DIS3: variants seen among roughly 807,000 people sequenced by gnomAD.
DIS3 encodes DIS3 exosome endoribonuclease and 3'-5' exoribonuclease, also known as exosome complex exonuclease RRP44.
In DIS3, 103 loss-of-function variants were observed where a neutral mutation model predicts 113.0. That is an observed-to-expected ratio of 0.91 (90% confidence interval 0.78 to 1.07). The LOEUF (loss-of-function observed/expected upper bound fraction) is 1.07, where lower values mean the gene tolerates loss of function less well. DIS3 is among the 50% of genes least tolerant of loss of function. The pLI is 0.00. For missense variants in DIS3, 1,121 were observed against 1,167.1 expected (o/e 0.96, Z 0.58); for synonymous variants, 402 against 394.3 (o/e 1.02, Z -0.23).
In DIS3 at chr13:72,757,306, G is replaced by C. The variant is rs1202840302; in HGVS notation, c.*2489C>G. On this transcript the variant is annotated 3_prime_UTR_variant, in exon 21 of 21. Coordinates refer to ENST00000377767, the MANE Select transcript of DIS3 (RefSeq NM_014953.5). ...GTTCTGTCACCCAGGCTGGAGTGCA[G>C]TGGCGCGATCTTGGCTCACTGCAAC... 1.3e-5 allele frequency: 2 copies of C among 151,282 alleles called. No individual in the cohort carries two copies. The highest frequency in any genetic ancestry group is 2.1e-4 in the South Asian group (1 of 4,774). The allele number at this position is 151,282 out of a possible 1,614,324, so 9.4% of individuals were successfully genotyped here. A position where few individuals can be genotyped will look rare whatever the true frequency, so the allele number is the denominator to read the frequency against.
rs1249719890 is a variant in DIS3, at chr13:72,755,298, G to A, written c.*4497C>T. 8.2e-7 allele frequency: 1 copy of A among 1,225,174 alleles called. No homozygotes were observed. The highest frequency in any genetic ancestry group is 2.4e-5 in the East Asian group (1 of 41,802). 75.9% of individuals were successfully genotyped at this position (1,225,174 alleles called of 1,614,324 possible). ...GCACAGGATCAACATGATGGTGACTGGGAAAAAATTACTTCAAGTAACATG... is the reference window on the plus strand; with the variant it reads ...GCACAGGATCAACATGATGGTGACTAGGAAAAAATTACTTCAAGTAACATG... On this transcript the variant is annotated 3_prime_UTR_variant, in exon 21 of 21. Coordinates refer to ENST00000377767, the MANE Select transcript of DIS3 (RefSeq NM_014953.5).
chr13:72,769,136 G>C (rs541821961), intron 13 of DIS3, among the ~76,000 whole-genome samples: 1 of 152,212 alleles, frequency 6.6e-6, no homozygotes, highest in Non-Finnish European at 1.5e-5. Flanking sequence ...ATTTTAAAAG[G>C]TAAAATGGCA....
chr13:72,776,135 T>G, intron 4 of DIS3, 43 bp from the exon 5 acceptor site: 1 of 1,547,388 alleles, frequency 6.5e-7, no homozygotes, highest in Middle Eastern at 1.7e-4. Context: ...ATAAGTCTTC[T>G]GTTCACTCAA....
In DIS3 at chr13:72,762,060, A is replaced by T; in HGVS notation, c.2205T>A (p.Tyr735Ter). 6.2e-7 allele frequency: 1 copy of T among 1,614,112 alleles called. No individual in the cohort carries two copies. Among genetic ancestry groups the T allele is most frequent in the Non-Finnish European group, 8.5e-7 (1 of 1,180,022 alleles). Residue 735 changes from tyrosine (Y) to a stop codon, truncating the protein, a stop_gained, in exon 17 of 21, where the codon TAT (tyrosine) becomes TAA (stop). Transcript: ENST00000377767. LOFTEE classifies it high-confidence loss of function. Reference sequence around the variant, plus strand: ...CTAATATTCTCAACAGAGTGTTTAGATATGGAAAAGTAGGAGATTCGGCCT... The same window carrying T: ...CTAATATTCTCAACAGAGTGTTTAGTTATGGAAAAGTAGGAGATTCGGCCT... ...LDQAESPTFP[Y>*]LNTLLRILAT...
In DIS3 at chr13:72,765,984, G is replaced by C; in HGVS notation, c.1958C>G (p.Thr653Ser). 1 of 1,606,646 alleles carries C rather than the reference G, an allele frequency of 6.2e-7. No homozygotes were observed. The highest frequency in any genetic ancestry group is 2.2e-5 in the East Asian group (1 of 44,784). Residue 653 changes from threonine to serine, a missense_variant, in exon 15 of 21, where the codon ACC becomes AGC. By Grantham distance (58) the Thr-to-Ser change is moderately conservative. This residue lies in a region of DIS3 where 861 missense variants were observed against 915.5 expected (regional missense o/e 0.94). Transcript: ENST00000377767. Reference sequence around the variant, plus strand: ...AAAAATTACAAACCTAAGTTCCTTGGTCTGCAGATCTATAGGATCGTGAGT... The same window carrying C: ...AAAAATTACAAACCTAAGTTCCTTGCTCTGCAGATCTATAGGATCGTGAGT... ...SETHDPIDLQTKELRETNSMV... is the reference protein window; with the variant it reads ...SETHDPIDLQSKELRETNSMV...
chr13:72,754,540 G>A lies in DIS3; in HGVS notation c.*5255C>T, dbSNP rs2033391589. ...AAATGTGCAACAAATGTTTAATAGG[G>A]AGGCCACCTTAGTTTTCCTTTCTGT... On this transcript the variant is annotated 3_prime_UTR_variant, in exon 21 of 21. Coordinates refer to ENST00000377767, the MANE Select transcript of DIS3 (RefSeq NM_014953.5). 6.6e-6 allele frequency: 1 copy of A among 152,034 alleles called. No homozygotes were observed. 9.4% of individuals were successfully genotyped at this position (152,034 alleles called of 1,614,324 possible). A position where few individuals can be genotyped will look rare whatever the true frequency, so the allele number is the denominator to read the frequency against.
At position 72,781,712 on chromosome 13, in the gene DIS3, C is replaced by G. The variant is rs376810829; in HGVS notation, c.121G>C (p.Gly41Arg). Residue 41 changes from glycine (G) to arginine (R), a missense_variant, in exon 1 of 21, where the codon GGG becomes CGG. Gly to Arg is a moderately radical substitution (Grantham distance 125, BLOSUM62 -2). Around this residue, in one of 3 missense-constraint regions of DIS3, gnomAD observed 254 missense variants for 232.2 expected, o/e 1.09. Transcript: ENST00000377767. The stretch of plus-strand genomic sequence containing the variant: ...TCCAGGGCCGGCCCCTCGTGCGCCC[C>G]TCCACACGCTGCGCACCCGGGCGCA... The part of the protein sequence containing the change: ...CGAPGCAACG[G>R]AHEGPALEPQ... 366 of 1,573,456 alleles carry G rather than the reference C, an allele frequency of 2.3e-4. 1 individual carries two copies. The African/African-American group carries it at 4.6e-3, about 20-fold the overall frequency.
Position 72,753,235 on chromosome 13 carries a change from A to C in DIS3, c.*6560T>G, listed in dbSNP as rs948809584. The C allele has an allele frequency of 2.0e-5, 3 of 152,614 alleles. No individual in the cohort carries two copies. Among genetic ancestry groups the C allele is most frequent in the Admixed American group, 1.3e-4 (2 of 15,306 alleles). 9.5% of individuals were successfully genotyped at this position (152,614 alleles called of 1,614,324 possible). On this transcript the variant is annotated 3_prime_UTR_variant, in exon 21 of 21. Coordinates refer to ENST00000377767, the MANE Select transcript of DIS3 (RefSeq NM_014953.5). ...TTTTATTAACATGAAAAGCTGAACT[A>C]ACATCTAGAGCCATTATATATGTGG...
Position 72,766,027 on chromosome 13 carries a change from A to C in DIS3, c.1915T>G (p.Phe639Val), listed in dbSNP as rs1234341757. ...ALTLSSPEVR[F>V]HMDSETHDPI... ...TCGTGAGTTTCACTGTCCATGTGGAATCGAACTTCAGGAGAGGATAGAGTC... is the reference window on the plus strand; with the variant it reads ...TCGTGAGTTTCACTGTCCATGTGGACTCGAACTTCAGGAGAGGATAGAGTC... Residue 639 changes from phenylalanine to valine, a missense_variant, in exon 15 of 21, where the codon TTC becomes GTC. Coordinates refer to ENST00000377767, the MANE Select transcript of DIS3 (RefSeq NM_014953.5). The C allele has an allele frequency of 3.1e-6, 5 of 1,611,748 alleles. No homozygotes were observed. The highest frequency in any genetic ancestry group is 4.2e-6 in the Non-Finnish European group (5 of 1,178,828).
Position 72,772,737 on chromosome 13 carries a change from C to G in DIS3, c.1342G>C (p.Val448Leu), listed in dbSNP as rs1288927449. 1 of 1,613,008 alleles carries G rather than the reference C, an allele frequency of 6.2e-7. No individual in the cohort carries two copies. Among genetic ancestry groups the G allele is most frequent in the Non-Finnish European group, 8.5e-7 (1 of 1,179,798 alleles). Residue 448 changes from valine to leucine, a missense_variant, in exon 9 of 21, where the codon GTT becomes CTT. Coordinates refer to ENST00000377767, the MANE Select transcript of DIS3 (RefSeq NM_014953.5). The part of the protein sequence containing the change: ...DVPHQPFSQA[V>L]LSFLPKMPWS... The stretch of plus-strand genomic sequence containing the variant: ...GGCATCTTTGGCAGAAAACTAAGAA[C>G]AGCCTGTGAAAAAGGCTGATGGGGA...
intron 11 of DIS3, 83 bp from the exon 12 acceptor site, chr13:72,771,228 T>C: frequency 2.7e-6 from 3 of 1,103,744 alleles, no homozygotes; most frequent in Middle Eastern, 2.1e-4. Context: ...ATAACATTAA[T>C]TAAACAAGGA....
chr13:72,778,344 A>G lies in DIS3; in HGVS notation c.423T>C (p.Ala141=), dbSNP rs768239041. 2.5e-5 allele frequency: 39 copies of G among 1,584,480 alleles called. No individual in the cohort carries two copies. The highest frequency in any genetic ancestry group is 3.4e-5 in the Non-Finnish European group (39 of 1,157,786). The part of the protein sequence containing the change: ...TYVEQEQGEN[A]NDRNDRAIRV... ...GAATCGCTCTATCATTCCTGTCATT[A>G]GCATTTTCTCCCTGTTCTTGTTCTA... is the stretch of plus-strand genomic sequence containing the variant. The change falls in exon 3 of 21, where the codon GCT becomes GCC. Residue 141 remains alanine, a synonymous_variant. Coordinates refer to ENST00000377767, the MANE Select transcript of DIS3 (RefSeq NM_014953.5).
At position 72,775,394 on chromosome 13, in the gene DIS3, G is replaced by A; in HGVS notation, c.823-19C>T. 6.4e-7 allele frequency: 1 copy of A among 1,565,604 alleles called. No individual in the cohort carries two copies. The highest frequency in any genetic ancestry group is 8.6e-7 in the Non-Finnish European group (1 of 1,158,598). On this transcript the variant is annotated intron_variant, in intron 5 of 20. Coordinates refer to ENST00000377767, the MANE Select transcript of DIS3 (RefSeq NM_014953.5). ...AGATTATCTGTTTAAAACAACAGAG[G>A]GCACGTGCCCAAATTATTTTTAATG... is the stretch of plus-strand genomic sequence containing the variant.
intron 8 of DIS3, 29 bp downstream of exon 8, chr13:72,773,655 C>T: frequency 6.3e-7 from 1 of 1,579,904 alleles, no homozygotes; most frequent in Non-Finnish European, 8.6e-7. Context: ...ATTAAACATC[C>T]CCACATAAAA....
rs1396580389 is a variant in DIS3, at chr13:72,773,899, T to C, written c.1101+47A>G. On this transcript the variant is annotated intron_variant, in intron 7 of 20. Coordinates refer to ENST00000377767, the MANE Select transcript of DIS3 (RefSeq NM_014953.5). Reference sequence around the variant, plus strand: ...GCAAAAGAAAGGCTATAAGTTCTATTAAATGTTTATCATTTTTTTATTACA... The same window carrying C: ...GCAAAAGAAAGGCTATAAGTTCTATCAAATGTTTATCATTTTTTTATTACA... 3.1e-6 allele frequency: 5 copies of C among 1,587,922 alleles called. No individual in the cohort carries two copies. The African/African-American group carries it at 6.8e-5, about 22-fold the overall frequency.
intron 15 of DIS3, among the ~76,000 whole-genome samples, chr13:72,765,055 T>C (rs952363320): frequency 1.3e-5 from 2 of 152,132 alleles, no homozygotes; most frequent in African/African-American, 4.8e-5. Context: ...ATTAGAAAAG[T>C]GCATATGCAT....
At position 72,755,154 on chromosome 13, in the gene DIS3, G is replaced by T; in HGVS notation, c.*4641C>A. ...GGTATTGTCTTCTTTTTCACAGCAA[G>T]ACCACACAACACAGAGGTGTTGGAT... is the stretch of plus-strand genomic sequence containing the variant. On this transcript the variant is annotated 3_prime_UTR_variant, in exon 21 of 21. Transcript: ENST00000377767. 1 of 1,613,618 alleles carries T rather than the reference G, an allele frequency of 6.2e-7. No individual in the cohort carries two copies. The highest frequency in any genetic ancestry group is 1.1e-5 in the South Asian group (1 of 91,062).
At chr13:72,777,521 G>C (rs2034045449) in intron 3 of DIS3, 28 bp from the exon 4 acceptor site, 6 of 1,600,260 alleles carry the variant, frequency 3.7e-6, no homozygotes, top group Non-Finnish European at 5.1e-6. Flanking sequence ...TGTTGTTTTT[G>C]ATAAGTGTTT....
At chr13:72,768,718 A>T in intron 14 of DIS3, 67 bp downstream of exon 14, 1 of 1,228,348 alleles carries the variant, frequency 8.1e-7, no homozygotes, top group Non-Finnish European at 1.1e-6. Context: ...ATAATTCATC[A>T]TTGCCTATGA....
Sources: gnomAD v4.1 joint callset for allele counts (sites outside exome capture counted in the v4.1 genomes callset) on GRCh38, gnomAD v4.1.1 for gene constraint, gnomAD v4.1.1 regional missense constraint, MANE v1.5 for transcripts, NCBI Gene and HGNC (gene_info 2026-07-23, HGNC 2026-07-21) for gene names.